The following RANBP17 variants were observed in gnomAD, a reference collection of about 807,000 sequenced individuals.
RANBP17 encodes the protein RAN binding protein 17, also known as ran-binding protein 17.
A neutral mutation model predicts 141.2 loss-of-function variants in RANBP17; 158 were observed. The observed-to-expected ratio is 1.12, with a 90% confidence interval of 0.98 to 1.28. RANBP17 has a LOEUF of 1.28. Ranked by LOEUF, RANBP17 falls within the 50% of genes most tolerant of loss-of-function variation. The probability of loss-of-function intolerance (pLI) is 0.00; values close to 1 mark genes in which losing one functional copy is unlikely to be tolerated. For missense variants in RANBP17, 1,438 were observed against 1,290.7 expected, an observed-to-expected ratio of 1.11 and a Z score of -1.75; for synonymous variants, 430 against 450.0, an observed-to-expected ratio of 0.96 and a Z score of 0.56.
chr5:171,053,460 G>A (rs1783102444), intron 14 of RANBP17, among the ~76,000 whole-genome samples: 1 of 151,922 alleles, frequency 6.6e-6, no homozygotes, highest in African/African-American at 2.4e-5. Flanking sequence ...TTCATTCCTA[G>A]ATATTGTATC....
chr5:171,140,580 T>C (rs1421418865), intron 14 of RANBP17, among the ~76,000 whole-genome samples: 1 of 152,180 alleles, frequency 6.6e-6, no homozygotes, highest in Non-Finnish European at 1.5e-5. Context: ...GCTCAGTCTT[T>C]TTCTGTTTGA....
In RANBP17 at chr5:170,955,347, C is replaced by T. The variant is rs138303967; in HGVS notation, c.1574+1645C>T. On this transcript the variant is annotated intron_variant, in intron 13 of 27. Coordinates refer to ENST00000523189, the MANE Select transcript of RANBP17 (RefSeq NM_022897.5). ...TAGAATCAAACATTCTTTTCCACTC[C>T]TAGCTTTGCCATTTTTTCTTTGTGA... is the stretch of plus-strand genomic sequence containing the variant. Among the ~76,000 whole-genome samples, 60 of 151,040 alleles carry T rather than the reference C, an allele frequency of 4.0e-4. 1 individual carries two copies. The East Asian group carries it at 0.011, about 27-fold the overall frequency.
chr5:170,956,290 A>G (rs1484038481), intron 13 of RANBP17, among the ~76,000 whole-genome samples: 1 of 152,108 alleles, frequency 6.6e-6, no homozygotes, highest in South Asian at 2.1e-4. Context: ...TACTTGTGAT[A>G]TTCTCCTTCA....
chr5:171,055,182 A>C (rs962419050), intron 14 of RANBP17, among the ~76,000 whole-genome samples: 2 of 152,164 alleles, frequency 1.3e-5, no homozygotes, highest in African/African-American at 4.8e-5. Flanking sequence ...TTGCTAGCTG[A>C]TTCCTGTTTG....
chr5:171,063,607 A>T (rs1490176958), intron 14 of RANBP17, among the ~76,000 whole-genome samples: 1 of 152,222 alleles, frequency 6.6e-6, no homozygotes, highest in Non-Finnish European at 1.5e-5. Context: ...CTCGGGGGTC[A>T]GGGGTCAGGG....
At chr5:171,003,990 T>C (rs770185974) in intron 14 of RANBP17, among the ~76,000 whole-genome samples, 4 of 152,208 alleles carry the variant, frequency 2.6e-5, no homozygotes, top group Non-Finnish European at 5.9e-5. Flanking sequence ...GGCACAGATA[T>C]TGAACTAACC....
At chr5:171,093,572 C>G (rs1251515714) in intron 14 of RANBP17, among the ~76,000 whole-genome samples, 8 of 152,138 alleles carry the variant, frequency 5.3e-5, no homozygotes, top group Admixed American at 5.2e-4. Context: ...TTTTCAGAGA[C>G]AAAAGACAAA....
intron 5 of RANBP17, 60 bp from the exon 6 acceptor site, chr5:170,909,601 T>TTTA: frequency 2.2e-6 from 1 of 454,850 alleles, no homozygotes; most frequent in South Asian, 4.8e-5. Context: ...TTTTTTTTAG[T>TTTA]AAATTTTGGT....
At chr5:171,106,174 A>G (rs1231280779) in intron 14 of RANBP17, among the ~76,000 whole-genome samples, 2 of 152,212 alleles carry the variant, frequency 1.3e-5, no homozygotes, top group Non-Finnish European at 2.9e-5. Context: ...CTGACAAAAA[A>G]CAGTACTGTG....
At chr5:171,260,729 A>C (rs1766255615) in intron 24 of RANBP17, among the ~76,000 whole-genome samples, 1 of 152,156 alleles carries the variant, frequency 6.6e-6, no homozygotes, top group African/African-American at 2.4e-5. Context: ...GTACAAATTT[A>C]AAAAACAAAG....
chr5:170,940,275 C>G (rs1163829384), intron 12 of RANBP17, among the ~76,000 whole-genome samples: 2 of 151,996 alleles, frequency 1.3e-5, no homozygotes, highest in Non-Finnish European at 2.9e-5. Context: ...AGAGAAAAAG[C>G]ATTATTAAAA....
At chr5:171,164,664 A>G (rs759222504) in intron 14 of RANBP17, among the ~76,000 whole-genome samples, 1 of 152,226 alleles carries the variant, frequency 6.6e-6, no homozygotes, top group Non-Finnish European at 1.5e-5. Context: ...TGCCTTCTCA[A>G]ATCTGTAATA....
chr5:171,243,988 G>C (rs957242023), intron 24 of RANBP17, among the ~76,000 whole-genome samples: 2 of 152,124 alleles, frequency 1.3e-5, no homozygotes, highest in Non-Finnish European at 2.9e-5. Flanking sequence ...TGAGGCAGGA[G>C]AATCACATGC....
intron 14 of RANBP17, among the ~76,000 whole-genome samples, chr5:171,024,427 C>A (rs1781095385): frequency 6.6e-6 from 1 of 152,082 alleles, no homozygotes; most frequent in African/African-American, 2.4e-5. Context: ...TGCTTTGTAA[C>A]AATAATGGGA....
rs192729900 is a variant in RANBP17, at chr5:171,211,348, G to A, written c.2232-2283G>A. 6.0e-3 allele frequency among the ~76,000 whole-genome samples: 908 copies of A among 151,680 alleles called. 8 individuals are homozygous for A. The highest frequency in any genetic ancestry group is 0.02 in the African/African-American group (819 of 41,380). Reference sequence around the variant, plus strand: ...GCAGTCTTGGCTCACTGCAACCTCCGCCTCCCGGGTTCAAGCAATTCTTGT... The same window carrying A: ...GCAGTCTTGGCTCACTGCAACCTCCACCTCCCGGGTTCAAGCAATTCTTGT... On this transcript the variant is annotated intron_variant, in intron 20 of 27. Coordinates refer to ENST00000523189, the MANE Select transcript of RANBP17 (RefSeq NM_022897.5).
intron 16 of RANBP17, 63 bp from the exon 17 acceptor site, chr5:171,183,104 T>G (rs1760970800): frequency 7.9e-6 from 7 of 884,180 alleles, no homozygotes; most frequent in Admixed American, 2.0e-5. Context: ...TCACTGTTAC[T>G]TTGTGATTTA....
intron 11 of RANBP17, among the ~76,000 whole-genome samples, chr5:170,922,773 C>T (rs1371007013): frequency 6.6e-6 from 1 of 152,112 alleles, no homozygotes; most frequent in Non-Finnish European, 1.5e-5. Flanking sequence ...CCTTGCGCTT[C>T]CTGGGTGAGG....
chr5:170,935,888 T>C lies in RANBP17; in HGVS notation c.1468+11338T>C, dbSNP rs542056027. The stretch of plus-strand genomic sequence containing the variant: ...CTTTTGTTCAGCTATGCCCTGCCCC[T>C]AGAGGTGGAGTCTACAGAGGCAGGC... On this transcript the variant is annotated intron_variant, in intron 12 of 27. Transcript: ENST00000523189. 1.1e-4 allele frequency among the ~76,000 whole-genome samples: 17 copies of C among 152,308 alleles called. No homozygotes were observed. The East Asian group carries it at 2.9e-3, about 26-fold the overall frequency.
intron 1 of RANBP17, among the ~76,000 whole-genome samples, chr5:170,876,143 G>T (rs1025083586): frequency 6.6e-6 from 1 of 152,246 alleles, no homozygotes; most frequent in Non-Finnish European, 1.5e-5. Flanking sequence ...CTCTGTCCTC[G>T]AGGGGCACCA....
Sources: gnomAD v4.1 joint callset for allele counts (sites outside exome capture counted in the v4.1 genomes callset) on GRCh38, gnomAD v4.1.1 for gene constraint, MANE v1.5 for transcripts, NCBI Gene and HGNC (gene_info 2026-07-23, HGNC 2026-07-21) for gene names.